Variants in SOBP observed in about 807,000 individuals in gnomAD.
SOBP encodes the protein sine oculis-binding protein homolog.
SOBP carries 4 observed loss-of-function variants against 53.6 expected under a neutral mutation model. The ratio of observed to expected loss-of-function variants is 0.07; its 90% CI spans 0.04 to 0.17. SOBP has a LOEUF of 0.17. Ranked by LOEUF, SOBP falls within the 10% of genes least tolerant of loss-of-function variation. The probability of loss-of-function intolerance (pLI) is 1.00; values close to 1 mark genes in which losing one functional copy is unlikely to be tolerated. For synonymous variants in SOBP, 584 were observed against 522.6 expected, an observed-to-expected ratio of 1.12 and a Z score of -1.60; for missense variants, 1,088 against 1,204.7, an observed-to-expected ratio of 0.90 and a Z score of 1.43.
intron 5 of SOBP, among the ~76,000 whole-genome samples, chr6:107,598,237 G>T (rs1786020956): frequency 6.6e-6 from 1 of 152,204 alleles, no homozygotes; most frequent in Non-Finnish European, 1.5e-5. Context: ...ATAATAAAGT[G>T]CCAGATGGTG....
At chr6:107,611,988 A>C (rs576818587) in intron 5 of SOBP, among the ~76,000 whole-genome samples, 10 of 152,318 alleles carry the variant, frequency 6.6e-5, no homozygotes, top group African/African-American at 2.2e-4. Context: ...TATCTTGCCC[A>C]GATCAATATC....
intron 1 of SOBP, among the ~76,000 whole-genome samples, chr6:107,500,085 A>C (rs573580161): frequency 6.6e-6 from 1 of 152,202 alleles, no homozygotes; most frequent in African/African-American, 2.4e-5. Context: ...CATTAAATTC[A>C]TGTCTCTTAG....
Position 107,635,287 on chromosome 6 carries a change from G to T in SOBP, c.2443G>T (p.Ala815Ser). ...NLNNPADEDH[A>S]YALRMLPKTG... The stretch of plus-strand genomic sequence containing the variant: ...TAATAACCCCGCGGACGAGGACCAT[G>T]CCTATGCTCTGCGGATGCTGCCCAA... Residue 815 changes from alanine (A) to serine (S), a missense_variant, in exon 6 of 7, where the codon GCC (alanine) becomes TCC (serine). Coordinates refer to ENST00000317357, the MANE Select transcript of SOBP (RefSeq NM_018013.4). This position sits in a 1 kb window ranked among gnomAD's most constrained non-coding sequence, Gnocchi z 4.5. 1 of 1,613,930 alleles carries T rather than the reference G, an allele frequency of 6.2e-7. No homozygotes were observed. The highest frequency in any genetic ancestry group is 8.5e-7 in the Non-Finnish European group (1 of 1,180,018).
intron 6 of SOBP, among the ~76,000 whole-genome samples, chr6:107,653,999 T>C (rs1771913277): frequency 3.3e-5 from 5 of 152,234 alleles, no homozygotes; most frequent in Admixed American, 3.3e-4. Context: ...TAAAGGTGGA[T>C]GAGTATCTAG....
chr6:107,518,610 C>G (rs778461512), intron 3 of SOBP, among the ~76,000 whole-genome samples: 4 of 152,136 alleles, frequency 2.6e-5, no homozygotes, highest in Non-Finnish European at 5.9e-5. Flanking sequence ...TAGCTAAAAA[C>G]TGGGAACAAC....
At chr6:107,610,321 C>T (rs1019243659) in intron 5 of SOBP, among the ~76,000 whole-genome samples, 3 of 152,154 alleles carry the variant, frequency 2.0e-5, no homozygotes, top group African/African-American at 7.2e-5. Context: ...TCTGGACTGT[C>T]TCCTGTAAGA....
chr6:107,532,228 GTC>G (rs771163945), intron 3 of SOBP, among the ~76,000 whole-genome samples: 13,167 of 133,298 alleles, frequency 0.099, 776 homozygotes, highest in East Asian at 0.2. Context: ...GTGGCAATCA[GTC>G]TCTCTCTCTC....
rs1244312999 is a variant in SOBP at position 107,634,235 on chromosome 6, G to C, written c.1391G>C (p.Ser464Thr). The change falls in exon 6 of 7, where the codon AGC becomes ACC. Residue 464 changes from serine to threonine, a missense_variant. Physicochemically the swap from Ser to Thr is moderately conservative, Grantham distance 58. Transcript: ENST00000317357. The surrounding 1 kb of genome is among the most constrained non-coding windows in gnomAD (Gnocchi z 4.5). ...CTATCGCCCCACATCCACCCCCCGA[G>C]CACCCCCACCATGCCCGGGAACCCC... ...PMLSPHIHPP[S>T]TPTMPGNPPG... 2 of 1,581,374 alleles carry C rather than the reference G, an allele frequency of 1.3e-6. No homozygotes were observed. Among genetic ancestry groups the C allele is most frequent in the Admixed American group, 1.7e-5 (1 of 59,184 alleles).
At chr6:107,505,289 G>GA (rs1321571007) in intron 2 of SOBP, among the ~76,000 whole-genome samples, 75 of 151,216 alleles carry the variant, frequency 5.0e-4, no homozygotes, top group Non-Finnish European at 2.4e-4. Context: ...GTTGTACATG[G>GA]AAAAAAAGGT....
intron 4 of SOBP, among the ~76,000 whole-genome samples, chr6:107,558,723 G>A (rs940462049): frequency 1.3e-5 from 2 of 151,302 alleles, no homozygotes; most frequent in African/African-American, 4.8e-5. Context: ...TAAAACTGCA[G>A]AATACCATGG....
At chr6:107,590,890 A>G (rs1180499042) in intron 5 of SOBP, among the ~76,000 whole-genome samples, 1 of 152,156 alleles carries the variant, frequency 6.6e-6, no homozygotes, top group Non-Finnish European at 1.5e-5. Context: ...GGCTCAATAA[A>G]CATGACATTA....
chr6:107,634,124 C>T lies in SOBP; in HGVS notation c.1280C>T (p.Ser427Phe), dbSNP rs1770851257. 1.2e-6 allele frequency: 2 copies of T among 1,609,366 alleles called. No individual in the cohort carries two copies. Among genetic ancestry groups the T allele is most frequent in the African/African-American group, 1.3e-5 (1 of 74,906 alleles). ...HHASNPNSPLSNPMLPGIGPP... is the reference protein window; with the variant it reads ...HHASNPNSPLFNPMLPGIGPP... Reference sequence around the variant, plus strand: ...GCCTCCAACCCCAACAGCCCCCTGTCCAACCCCATGCTTCCCGGCATCGGG... The same window carrying T: ...GCCTCCAACCCCAACAGCCCCCTGTTCAACCCCATGCTTCCCGGCATCGGG... Residue 427 changes from serine to phenylalanine, a missense_variant, in exon 6 of 7, where the codon TCC (serine) becomes TTC (phenylalanine). Around this residue, in one of 6 missense-constraint regions of SOBP, gnomAD observed 211 missense variants for 258.9 expected, o/e 0.82. Transcript: ENST00000317357. The surrounding 1 kb of genome is among the most constrained non-coding windows in gnomAD (Gnocchi z 4.5).
intron 5 of SOBP, among the ~76,000 whole-genome samples, chr6:107,604,839 C>T (rs1325371517): frequency 6.6e-6 from 1 of 152,226 alleles, no homozygotes; most frequent in African/African-American, 2.4e-5. Flanking sequence ...TGTGCGTCTT[C>T]ATGGGTGCGT....
At chr6:107,570,426 C>T (rs1179406663) in intron 4 of SOBP, among the ~76,000 whole-genome samples, 1 of 152,352 alleles carries the variant, frequency 6.6e-6, no homozygotes, top group East Asian at 1.9e-4. Flanking sequence ...AAAATTGAAT[C>T]ACCACCTTCC....
At chr6:107,617,994 A>AT (rs1213547638) in intron 5 of SOBP, among the ~76,000 whole-genome samples, 6 of 151,730 alleles carry the variant, frequency 4.0e-5, no homozygotes, top group African/African-American at 1.5e-4. Flanking sequence ...AGCCAAGCTA[A>AT]TTTTTTGTAT....
intron 2 of SOBP, among the ~76,000 whole-genome samples, chr6:107,505,635 T>G (rs1386210445): frequency 4.6e-5 from 7 of 151,684 alleles, no homozygotes; most frequent in Admixed American, 2.0e-4. Flanking sequence ...CTCTCAGTTT[T>G]GTTTTGTTTT....
intron 3 of SOBP, among the ~76,000 whole-genome samples, chr6:107,508,865 A>G (rs970291390): frequency 6.6e-6 from 1 of 152,206 alleles, no homozygotes; most frequent in East Asian, 1.9e-4. Context: ...GTTTGAATAT[A>G]TGCCCAGTGG....
intron 4 of SOBP, among the ~76,000 whole-genome samples, chr6:107,552,638 G>A (rs930997103): frequency 6.6e-6 from 1 of 152,186 alleles, no homozygotes; most frequent in African/African-American, 2.4e-5. Context: ...TTCCAGGCCT[G>A]TTCCACATAG....
At chr6:107,580,340 T>C (rs1424781561) in intron 4 of SOBP, among the ~76,000 whole-genome samples, 3 of 152,226 alleles carry the variant, frequency 2.0e-5, no homozygotes, top group Non-Finnish European at 2.9e-5. Context: ...ATAACTCGTA[T>C]TTAAGGGTTA....
Sources: gnomAD v4.1 joint callset for allele counts (sites outside exome capture counted in the v4.1 genomes callset) on GRCh38, gnomAD v4.1.1 for gene constraint, gnomAD v4.1.1 regional missense constraint, Gnocchi (gnomAD v3.1) non-coding constraint, MANE v1.5 for transcripts, NCBI Gene and HGNC (gene_info 2026-07-23, HGNC 2026-07-21) for gene names.